MYO6: variants seen among roughly 807,000 people sequenced by gnomAD.
MYO6 encodes the protein myosin VI.
MYO6 carries 74 observed loss-of-function variants against 178.7 expected under a neutral mutation model. That is an observed-to-expected ratio of 0.41 (90% CI 0.34 to 0.50). MYO6 has a LOEUF of 0.50. MYO6 is among the 20% of genes least tolerant of loss of function. The pLI is 0.09. For synonymous variants in MYO6, 477 were observed against 504.6 expected, an observed-to-expected ratio of 0.95 and a Z score of 0.73; for missense variants, 1,330 against 1,547.4, an observed-to-expected ratio of 0.86 and a Z score of 2.36.
At chr6:75,772,076 G>T (rs1765950160) in intron 1 of MYO6, among the ~76,000 whole-genome samples, 1 of 152,130 alleles carries the variant, frequency 6.6e-6, no homozygotes, top group Non-Finnish European at 1.5e-5. Flanking sequence ...AATTAATTCT[G>T]TTGAAACTAA....
rs746531840 is a variant in MYO6, at chr6:75,886,015, A to G, written c.2428A>G (p.Ile810Val). The change falls in exon 24 of 35, where the codon ATA becomes GTA. Residue 810 changes from isoleucine to valine, a missense_variant. Physicochemically the swap from Ile to Val is conservative, Grantham distance 29. Coordinates refer to ENST00000369977, the MANE Select transcript of MYO6 (RefSeq NM_004999.4). ...SLSVIKLKNK[I>V]KYRAEACIKM... ...ACTCTTACACATAGTGAAAAACAAA[A>G]TAAAATATCGAGCTGAAGCCTGCAT... is the stretch of plus-strand genomic sequence containing the variant. The G allele has an allele frequency of 1.2e-6, 2 of 1,604,338 alleles. No homozygotes were observed. The highest frequency in any genetic ancestry group is 2.2e-5 in the East Asian group (1 of 44,734).
Position 75,898,500 on chromosome 6 carries a change from C to T in MYO6, c.3176+89C>T, listed in dbSNP as rs1053928775. The T allele has an allele frequency of 3.9e-6, 4 of 1,035,826 alleles. No homozygotes were observed. In the African/African-American group the frequency reaches 6.3e-5, roughly 16 times the overall value. 64.2% of individuals were successfully genotyped at this position (1,035,826 alleles called of 1,614,324 possible). On this transcript the variant is annotated intron_variant, in intron 30 of 34. Transcript: ENST00000369977. Reference sequence around the variant, plus strand: ...TGATTATTTGGACCAGAACCTGTTACATGAGTAGCCTAGTCTTTCTATGTA... The same window carrying T: ...TGATTATTTGGACCAGAACCTGTTATATGAGTAGCCTAGTCTTTCTATGTA...
intron 1 of MYO6, among the ~76,000 whole-genome samples, chr6:75,802,463 A>G (rs1769570642): frequency 7.7e-6 from 1 of 130,214 alleles, no homozygotes; most frequent in Non-Finnish European, 1.5e-5. Context: ...AGCGAGACTC[A>G]GTATCAAAAA....
chr6:75,839,663 A>G (rs1583239541), intron 7 of MYO6, among the ~76,000 whole-genome samples: 1 of 152,218 alleles, frequency 6.6e-6, no homozygotes, highest in East Asian at 1.9e-4. Context: ...ACTCTTATCC[A>G]GTCATGATAT....
intron 28 of MYO6, 62 bp from the exon 29 acceptor site, chr6:75,895,169 A>G: frequency 7.6e-7 from 1 of 1,312,892 alleles, no homozygotes; most frequent in Non-Finnish European, 1.1e-6. Flanking sequence ...AAATTTGCAC[A>G]ATCCAGATTT....
At chr6:75,880,450 C>G (rs956083362) in intron 22 of MYO6, among the ~76,000 whole-genome samples, 9 of 152,128 alleles carry the variant, frequency 5.9e-5, no homozygotes, top group African/African-American at 1.7e-4. Context: ...ATAAAATACA[C>G]CAACACTAAT....
chr6:75,885,936 G>GT lies in MYO6; in HGVS notation c.2417-61dup, dbSNP rs958186535. ...CTTGAGCATTACTTTGTGAAAATGA[G>GT]TTTTTTTAATATATGTTAGATTTAA... On this transcript the variant is annotated intron_variant, in intron 23 of 34. Coordinates refer to ENST00000369977, the MANE Select transcript of MYO6 (RefSeq NM_004999.4). 50 of 953,864 alleles carry GT rather than the reference G, an allele frequency of 5.2e-5. No homozygotes were observed. The African/African-American group carries it at 5.3e-4, about 10-fold the overall frequency. The allele number at this position is 953,864 out of a possible 1,614,324, so 59.1% of individuals were successfully genotyped here.
At chr6:75,803,886 CTTTTTGT>C (rs775365674) in intron 1 of MYO6, among the ~76,000 whole-genome samples, 1 of 152,050 alleles carries the variant, frequency 6.6e-6, no homozygotes, top group Non-Finnish European at 1.5e-5. Context: ...GAGGCTTTTT[CTTTTTGT>C]TTTTTGTTTT....
At chr6:75,804,466 C>G (rs1057380510) in intron 1 of MYO6, among the ~76,000 whole-genome samples, 1 of 152,028 alleles carries the variant, frequency 6.6e-6, no homozygotes, top group Non-Finnish European at 1.5e-5. Flanking sequence ...AAAGAGTAAT[C>G]TTTTTAAAGG....
At position 75,855,242 on chromosome 6, in the gene MYO6, C is replaced by A. The variant is rs145568584; in HGVS notation, c.1182C>A (p.Val394=). The A allele has an allele frequency of 7.4e-5, 119 of 1,613,644 alleles. No homozygotes were observed. The African/African-American group carries it at 1.5e-3, about 20-fold the overall frequency. ...TTCGAGTAAGTTTGACCACAAGAGT[C>A]ATGCTAACAACAGCAGGGGGCACCA... ...DDLRVSLTTR[V]MLTTAGGTKG... Residue 394 remains valine, a synonymous_variant, in exon 12 of 35, where the codon GTC becomes GTA. Transcript: ENST00000369977.
rs906895490 is a variant in MYO6 at position 75,900,599 on chromosome 6, A to G, written c.3176+2188A>G. Among the ~76,000 whole-genome samples the G allele has an allele frequency of 2.4e-4, 37 of 152,106 alleles. 1 individual carries two copies. Among genetic ancestry groups the G allele is most frequent in the Admixed American group, 2.0e-3 (30 of 15,278 alleles). On this transcript the variant is annotated intron_variant, in intron 30 of 34. Coordinates refer to ENST00000369977, the MANE Select transcript of MYO6 (RefSeq NM_004999.4). ...GATGGGGTTGTTTGTTTTCTTGTAA[A>G]TTTGTTTGAGTTCATTGTAGATTCT...
rs779840463 is a variant in MYO6 at position 75,835,383 on chromosome 6, G to A, written c.498-518G>A. Among the ~76,000 whole-genome samples the A allele has an allele frequency of 4.8e-4, 73 of 152,002 alleles. 1 individual carries two copies. Among genetic ancestry groups the A allele is most frequent in the Non-Finnish European group, 7.9e-4 (54 of 67,984 alleles). ...GTATATTTTGTGACACAGAGGTTTGGGGTGTGAATGATCTCATCATTGAGG... is the reference window on the plus strand; with the variant it reads ...GTATATTTTGTGACACAGAGGTTTGAGGTGTGAATGATCTCATCATTGAGG... On this transcript the variant is annotated intron_variant, in intron 6 of 34. Coordinates refer to ENST00000369977, the MANE Select transcript of MYO6 (RefSeq NM_004999.4).
chr6:75,813,592 T>TATTCAG lies in MYO6; in HGVS notation c.-47-3907_-47-3902dup, dbSNP rs1770912726. ...CCCTTACTCTTCCCTTTCCTTTCCT[T>TATTCAG]ATTCAGAGGCAGTCTCTCCCCATGG... On this transcript the variant is annotated intron_variant, in intron 1 of 34. Transcript: ENST00000369977. Among the ~76,000 whole-genome samples the TATTCAG allele has an allele frequency of 1.3e-5, 2 of 151,870 alleles. 1 individual carries two copies.
intron 1 of MYO6, among the ~76,000 whole-genome samples, chr6:75,784,602 T>C (rs1435535094): frequency 6.6e-6 from 1 of 151,294 alleles, no homozygotes; most frequent in Non-Finnish European, 1.5e-5. Flanking sequence ...TGAAACCCCG[T>C]CTCTACTAAA....
intron 1 of MYO6, 145 bp from the exon 2 acceptor site, chr6:75,817,356 A>G (rs1771376840): frequency 1.7e-6 from 1 of 595,552 alleles, no homozygotes; most frequent in Non-Finnish European, 3.0e-6. Context: ...GCAAGAGGCA[A>G]GGGAGGAGGT....
In MYO6 at chr6:75,914,354, A is replaced by G. The variant is rs929599840; in HGVS notation, c.3658+73A>G. On this transcript the variant is annotated intron_variant, in intron 34 of 34. Transcript: ENST00000369977. ...TAAACTCTCTGAATGAAACATTCTA[A>G]TGTATAATATAATAATTTATTACAT... 11 of 1,379,074 alleles carry G rather than the reference A, an allele frequency of 8.0e-6. No individual in the cohort carries two copies. In the Admixed American group the frequency reaches 1.5e-4, roughly 19 times the overall value. The allele number at this position is 1,379,074 out of a possible 1,614,324, so 85.4% of individuals were successfully genotyped here.
chr6:75,757,431 T>G (rs1222464058), intron 1 of MYO6, among the ~76,000 whole-genome samples: 5 of 150,964 alleles, frequency 3.3e-5, no homozygotes, highest in African/African-American at 7.3e-5. Flanking sequence ...ACTTCTGATG[T>G]TCTGCTAGGA....
At chr6:75,887,093 A>G (rs1294161133) in intron 25 of MYO6, 99 bp downstream of exon 25, 17 of 1,135,856 alleles carry the variant, frequency 1.5e-5, no homozygotes, top group East Asian at 7.4e-5. Context: ...TAGTTTTTCA[A>G]AATTACAAAA....
chr6:75,799,873 C>T (rs1481640729), intron 1 of MYO6, among the ~76,000 whole-genome samples: 1 of 152,120 alleles, frequency 6.6e-6, no homozygotes, highest in Non-Finnish European at 1.5e-5. Context: ...TCCCCCCAGG[C>T]ATTTGAGTAC....
Sources: gnomAD v4.1 joint callset for allele counts (sites outside exome capture counted in the v4.1 genomes callset) on GRCh38, gnomAD v4.1.1 for gene constraint, MANE v1.5 for transcripts, NCBI Gene and HGNC (gene_info 2026-07-23, HGNC 2026-07-21) for gene names.